The following DNAAF9 variants were observed in gnomAD, a reference collection of about 807,000 sequenced individuals.
The protein encoded by DNAAF9 is dynein axonemal assembly factor 9, also known as shulin.
DNAAF9 carries 90 observed loss-of-function variants against 167.0 expected under a neutral mutation model. That is an observed-to-expected ratio of 0.54 (90% CI 0.45 to 0.64). The LOEUF (loss-of-function observed/expected upper bound fraction) is 0.64. Among genes scored for constraint, DNAAF9 ranks in the 30% least tolerant of loss-of-function variants. DNAAF9 has a pLI of 0.00. For synonymous variants in DNAAF9, 491 were observed against 508.8 expected (o/e 0.96, Z 0.47); for missense variants, 1,315 against 1,442.2 (o/e 0.91, Z 1.43).
intron 6 of DNAAF9, 99 bp downstream of exon 6, chr20:3,373,949 C>G (rs185233303): frequency 5.5e-6 from 4 of 727,184 alleles, no homozygotes; most frequent in Non-Finnish European, 9.7e-6. Context: ...GAGGTAACTG[C>G]CAGCTTTTTG....
Position 3,315,307 on chromosome 20 carries a change from A to C in DNAAF9, c.1591-187T>G, listed in dbSNP as rs77407941. Among the ~76,000 whole-genome samples, 206 of 152,260 alleles carry C rather than the reference A, an allele frequency of 1.4e-3. 1 individual carries two copies. The East Asian group carries it at 0.028, about 21-fold the overall frequency. On this transcript the variant is annotated intron_variant, in intron 19 of 36. Coordinates refer to ENST00000252032, the MANE Select transcript of DNAAF9 (RefSeq NM_001009984.3). This position sits in a 1 kb window ranked among gnomAD's most constrained non-coding sequence, Gnocchi z 4.1. ...TCTTTGGCAGTTACTGGCATCCTTG[A>C]TTTGTGCTGAGAAAAAGAACATTAA...
chr20:3,321,496 T>C (rs188849118), intron 16 of DNAAF9, among the ~76,000 whole-genome samples: 1 of 152,382 alleles, frequency 6.6e-6, no homozygotes, highest in Admixed American at 6.5e-5. Context: ...CACTGTTGTA[T>C]CTGCAGTCCA....
intron 30 of DNAAF9, among the ~76,000 whole-genome samples, chr20:3,268,600 T>C (rs936857500): frequency 2.6e-5 from 4 of 152,206 alleles, no homozygotes; most frequent in Non-Finnish European, 2.9e-5. Flanking sequence ...GTGCTGGGAT[T>C]ACAGGCGTGA....
At chr20:3,294,294 T>C in intron 24 of DNAAF9, 38 bp from the exon 25 acceptor site, 2 of 1,373,046 alleles carry the variant, frequency 1.5e-6, no homozygotes, top group African/African-American at 1.4e-5. Flanking sequence ...GTTACCATCC[T>C]AGCCTGTCCT....
chr20:3,317,055 G>A (rs2069515599), intron 17 of DNAAF9, among the ~76,000 whole-genome samples: 4 of 151,338 alleles, frequency 2.6e-5, no homozygotes. Context: ...CCACCATGCC[G>A]GGCTAATTTT....
intron 10 of DNAAF9, among the ~76,000 whole-genome samples, chr20:3,333,833 AC>A (rs1452518731): frequency 6.6e-6 from 1 of 152,216 alleles, no homozygotes; most frequent in Admixed American, 6.5e-5. Flanking sequence ...CAGAAGATCA[AC>A]ACACCAGCAC....
intron 21 of DNAAF9, among the ~76,000 whole-genome samples, chr20:3,303,562 C>T (rs1202175748): frequency 6.6e-6 from 1 of 152,166 alleles, no homozygotes; most frequent in Non-Finnish European, 1.5e-5. Flanking sequence ...TCTAATAGGG[C>T]CATCCAATGT....
Position 3,315,910 on chromosome 20 carries a change from C to T in DNAAF9, c.1540-125G>A. 1 of 783,488 alleles carries T rather than the reference C, an allele frequency of 1.3e-6. No homozygotes were observed. Among genetic ancestry groups the T allele is most frequent in the Non-Finnish European group, 2.3e-6 (1 of 440,120 alleles). 48.5% of individuals were successfully genotyped at this position (783,488 alleles called of 1,614,324 possible). A position where few individuals can be genotyped will look rare whatever the true frequency, so the allele number is the denominator to read the frequency against. Reference sequence around the variant, plus strand: ...ACAGTCCTTCCACCATGTCCATGTCCAGTGCTCTCAGGCCCTGACACACCT... The same window carrying T: ...ACAGTCCTTCCACCATGTCCATGTCTAGTGCTCTCAGGCCCTGACACACCT... On this transcript the variant is annotated intron_variant, in intron 18 of 36. Transcript: ENST00000252032. This position sits in a 1 kb window ranked among gnomAD's most constrained non-coding sequence, Gnocchi z 4.1.
intron 16 of DNAAF9, among the ~76,000 whole-genome samples, chr20:3,319,476 T>G (rs1039264329): frequency 2.0e-5 from 3 of 152,060 alleles, no homozygotes; most frequent in African/African-American, 7.2e-5. Flanking sequence ...GAGAAAATGA[T>G]GTTAGCTAGA....
intron 23 of DNAAF9, chr20:3,296,315 G>A (rs928025019): frequency 5.4e-6 from 2 of 372,090 alleles, no homozygotes; most frequent in Admixed American, 3.7e-5. Context: ...ACCATGCTTG[G>A]CCCGGGTCAG....
intron 21 of DNAAF9, among the ~76,000 whole-genome samples, chr20:3,300,719 A>G (rs947411820): frequency 6.9e-6 from 1 of 143,886 alleles, no homozygotes; most frequent in African/African-American, 2.6e-5. Context: ...AATAATAATA[A>G]TAATAATAAT....
chr20:3,327,671 A>G (rs2069736749), intron 12 of DNAAF9, among the ~76,000 whole-genome samples: 1 of 152,202 alleles, frequency 6.6e-6, no homozygotes, highest in African/African-American at 2.4e-5. Context: ...AGAAGAAGCA[A>G]TAAGGGCCTC....
intron 10 of DNAAF9, among the ~76,000 whole-genome samples, chr20:3,337,170 C>T (rs980528705): frequency 2.6e-5 from 4 of 151,980 alleles, no homozygotes; most frequent in African/African-American, 7.2e-5. Context: ...TGAGCCACCA[C>T]GCCTGGCCTC....
At position 3,251,088 on chromosome 20, in the gene DNAAF9, T is replaced by C. The variant is rs1178984254; in HGVS notation, c.*1484A>G. 1.3e-5 allele frequency: 2 copies of C among 151,946 alleles called. No individual in the cohort carries two copies. Among genetic ancestry groups the C allele is most frequent in the Non-Finnish European group, 2.9e-5 (2 of 67,976 alleles). 9.4% of individuals were successfully genotyped at this position (151,946 alleles called of 1,614,324 possible). ...GGGTCTTTTCAGAAGCCCTTCTTGA[T>C]GCAAAATTTCTTATCAATGGTATCT... On this transcript the variant is annotated 3_prime_UTR_variant, in exon 37 of 37. Coordinates refer to ENST00000252032, the MANE Select transcript of DNAAF9 (RefSeq NM_001009984.3).
rs2068946764 is a variant in DNAAF9, at chr20:3,291,249, AG to A, written c.2239-1033del. ...AGCAACTTAATAAATTCACTGAAAAAGGAGGCATCAGGCAGGTGAGGACAGG... is the reference window on the plus strand; with the variant it reads ...AGCAACTTAATAAATTCACTGAAAAAGAGGCATCAGGCAGGTGAGGACAGG... On this transcript the variant is annotated intron_variant, in intron 25 of 36. Transcript: ENST00000252032. Among the ~76,000 whole-genome samples, 3 of 152,308 alleles carry A rather than the reference AG, an allele frequency of 2.0e-5. No individual in the cohort carries two copies. The South Asian group carries it at 6.2e-4, about 32-fold the overall frequency.
intron 31 of DNAAF9, 87 bp from the exon 32 acceptor site, chr20:3,260,115 G>C: frequency 1.5e-6 from 1 of 674,474 alleles, no homozygotes; most frequent in Non-Finnish European, 2.7e-6. Context: ...CGAGGCGGGT[G>C]GATCATGAGG....
chr20:3,370,452 CCAGCTGGAGTG>C, intron 6 of DNAAF9, among the ~76,000 whole-genome samples: 1 of 138,150 alleles, frequency 7.2e-6, no homozygotes, highest in South Asian at 2.2e-4. Context: ...ACACTGTCGT[CCAGCTGGAGTG>C]CAGTGGCATG....
intron 33 of DNAAF9, 112 bp downstream of exon 33, chr20:3,259,368 A>G: frequency 1.3e-6 from 1 of 788,776 alleles, no homozygotes; most frequent in Non-Finnish European, 2.3e-6. Context: ...AAGGTTTCTG[A>G]GAGTCTGAGC....
Position 3,336,255 on chromosome 20 carries a change from TTTG to T in DNAAF9, c.982-3897_982-3895del, listed in dbSNP as rs1283908757. On this transcript the variant is annotated intron_variant, in intron 10 of 36. Coordinates refer to ENST00000252032, the MANE Select transcript of DNAAF9 (RefSeq NM_001009984.3). The stretch of plus-strand genomic sequence containing the variant: ...TTTTGCAGATTCACAGTTTTGCGTT[TTTG>T]TTTTTTTTTTTTTTTTTGCCAAATT... Among the ~76,000 whole-genome samples, 142 of 120,264 alleles carry T rather than the reference TTTG, an allele frequency of 1.2e-3. 4 individuals carry two copies. The East Asian group carries it at 0.012, about 10-fold the overall frequency. The allele number at this position is 120,264 out of a possible 152,430, so 78.9% of individuals were successfully genotyped here.
Sources: gnomAD v4.1 joint callset for allele counts (sites outside exome capture counted in the v4.1 genomes callset) on GRCh38, gnomAD v4.1.1 for gene constraint, Gnocchi (gnomAD v3.1) non-coding constraint, MANE v1.5 for transcripts, NCBI Gene and HGNC (gene_info 2026-07-23, HGNC 2026-07-21) for gene names.